Variants in GLYR1 observed in about 807,000 individuals in gnomAD.
The protein encoded by GLYR1 is glyoxylate reductase 1 homolog, also known as cytokine-like nuclear factor N-PAC.
In GLYR1, 21 loss-of-function variants were observed where a neutral mutation model predicts 72.7. That is an observed-to-expected ratio of 0.29 (90% CI 0.20 to 0.42). The LOEUF is 0.42. GLYR1 is among the 10% of genes least tolerant of loss of function. The pLI, the probability that GLYR1 is intolerant of heterozygous loss-of-function variation, is 1.00. For missense variants in GLYR1, 594 were observed against 712.1 expected (o/e 0.83, Z 1.89); for synonymous variants, 392 against 270.2 (o/e 1.45, Z -4.42).
chr16:4,822,993 C>T lies in GLYR1; in HGVS notation c.625-62G>A. On this transcript the variant is annotated intron_variant, in intron 6 of 15. Coordinates refer to ENST00000321919, the MANE Select transcript of GLYR1 (RefSeq NM_032569.4). ...TGCCACCAAAGGTCACTTCCTTCTC[C>T]CTGGTAACTGGACTCTCCTCTGGCT... The T allele has an allele frequency of 8.1e-6, 11 of 1,361,788 alleles. 1 individual carries two copies. In the South Asian group the frequency reaches 1.3e-4, roughly 16 times the overall value. The allele number at this position is 1,361,788 out of a possible 1,614,324, so 84.4% of individuals were successfully genotyped here.
rs1005460049 is a variant in GLYR1, at chr16:4,803,766, A to G, written c.*1470T>C. ...AAGGGGCCAAAGCTGTGAGGGGGGA[A>G]GGACCCCGCCCTAGTGTGGCCACCC... On this transcript the variant is annotated 3_prime_UTR_variant, in exon 16 of 16. Transcript: ENST00000321919. 6.6e-6 allele frequency: 1 copy of G among 152,208 alleles called. No individual in the cohort carries two copies. The highest frequency in any genetic ancestry group is 1.5e-5 in the Non-Finnish European group (1 of 68,032). 9.4% of individuals were successfully genotyped at this position (152,208 alleles called of 1,614,324 possible).
rs777545545 is a variant in GLYR1 at position 4,812,078 on chromosome 16, C to T, written c.1282+8G>A. ...AGGCTCCAGGCCTGACAGGTGCAGG[C>T]GTGTTACCTAGGAAGAAGGAGGTCT... On this transcript the variant is annotated splice_region_variant and intron_variant, in intron 13 of 15. Coordinates refer to ENST00000321919, the MANE Select transcript of GLYR1 (RefSeq NM_032569.4). 1.7e-5 allele frequency: 28 copies of T among 1,611,544 alleles called. No individual in the cohort carries two copies. The highest frequency in any genetic ancestry group is 4.5e-5 in the East Asian group (2 of 44,900).
intron 15 of GLYR1, among the ~76,000 whole-genome samples, chr16:4,806,457 A>G (rs2082980989): frequency 6.6e-6 from 1 of 151,504 alleles, no homozygotes; most frequent in Non-Finnish European, 1.5e-5. Context: ...CCTGGGCTCA[A>G]GCAATCCTCC....
At position 4,815,539 on chromosome 16, in the gene GLYR1, A is replaced by T. The variant is rs1436026376; in HGVS notation, c.907-892T>A. 2.0e-5 allele frequency among the ~76,000 whole-genome samples: 3 copies of T among 151,984 alleles called. No homozygotes were observed. The East Asian group carries it at 5.8e-4, about 29-fold the overall frequency. ...CATCACCAAACATCTTTACGTACAA[A>T]ACTTCTCTATGTTTTAAATTCAGGT... On this transcript the variant is annotated intron_variant, in intron 10 of 15. Transcript: ENST00000321919.
At chr16:4,844,102 AAACTC>A (rs2085764087) in intron 3 of GLYR1, among the ~76,000 whole-genome samples, 1 of 147,626 alleles carries the variant, frequency 6.8e-6, no homozygotes, top group South Asian at 2.2e-4. Flanking sequence ...TGACAGAGTG[AAACTC>A]CATCTCAAAA....
chr16:4,806,012 T>G (rs912042949), intron 15 of GLYR1, among the ~76,000 whole-genome samples: 2 of 151,926 alleles, frequency 1.3e-5, no homozygotes, highest in African/African-American at 4.8e-5. Flanking sequence ...CTGTCTCAAA[T>G]AAATAAATAA....
At chr16:4,825,060 G>C (rs1341853447) in intron 5 of GLYR1, among the ~76,000 whole-genome samples, 2 of 152,078 alleles carry the variant, frequency 1.3e-5, no homozygotes, top group Non-Finnish European at 2.9e-5. Context: ...CTAAGCTCAG[G>C]CCACCTGGAC....
chr16:4,846,056 G>C (rs2086018248), intron 2 of GLYR1, 118 bp downstream of exon 2: 1 of 1,077,366 alleles, frequency 9.3e-7, no homozygotes, highest in African/African-American at 1.6e-5. Flanking sequence ...AAAATTCTAA[G>C]TGCCATCTGA....
intron 13 of GLYR1, 32 bp from the exon 14 acceptor site, chr16:4,811,834 C>T: frequency 6.3e-7 from 1 of 1,594,812 alleles, no homozygotes; most frequent in Non-Finnish European, 8.6e-7. Flanking sequence ...GGTCACAGCC[C>T]AAGAATGCCA....
In GLYR1 at chr16:4,803,423, A is replaced by T. The variant is rs760006593; in HGVS notation, c.*1813T>A. On this transcript the variant is annotated 3_prime_UTR_variant, in exon 16 of 16. Coordinates refer to ENST00000321919, the MANE Select transcript of GLYR1 (RefSeq NM_032569.4). ...GAGGGGCTTTCTTACAAGCTTTTTC[A>T]CAAGTGTCACATTTTCTCCTTAAAA... 1.6e-4 allele frequency: 25 copies of T among 152,814 alleles called. No individual in the cohort carries two copies. Among genetic ancestry groups the T allele is most frequent in the Admixed American group, 2.6e-4 (4 of 15,310 alleles). The allele number at this position is 152,814 out of a possible 1,614,324, so 9.5% of individuals were successfully genotyped here.
At chr16:4,834,242 T>C (rs145811719) in intron 3 of GLYR1, among the ~76,000 whole-genome samples, 4 of 150,932 alleles carry the variant, frequency 2.7e-5, no homozygotes, top group Non-Finnish European at 5.9e-5. Flanking sequence ...TGAATGGAGA[T>C]ACAGAAGCTG....
intron 9 of GLYR1, among the ~76,000 whole-genome samples, chr16:4,819,812 C>T (rs2083898706): frequency 6.6e-6 from 1 of 152,148 alleles, no homozygotes. Context: ...GAAAATGGAA[C>T]CCACCAACTT....
chr16:4,845,244 A>G (rs1280464409), intron 2 of GLYR1, 91 bp from the exon 3 acceptor site: 7 of 813,522 alleles, frequency 8.6e-6, no homozygotes, highest in Non-Finnish European at 1.5e-5. Flanking sequence ...CTACGTTGCT[A>G]AGAAAAAAGT....
At chr16:4,842,034 G>A (rs2085591755) in intron 3 of GLYR1, among the ~76,000 whole-genome samples, 1 of 152,054 alleles carries the variant, frequency 6.6e-6, no homozygotes, top group South Asian at 2.1e-4. Context: ...GAGGTCAGGA[G>A]ATCAAGACCA....
At chr16:4,838,715 T>C (rs1208019219) in intron 3 of GLYR1, among the ~76,000 whole-genome samples, 9 of 151,804 alleles carry the variant, frequency 5.9e-5, no homozygotes, top group Admixed American at 5.9e-4. Context: ...GCCACCCGAG[T>C]AGCTGGGACT....
intron 3 of GLYR1, among the ~76,000 whole-genome samples, chr16:4,837,192 T>G (rs185868768): frequency 6.6e-6 from 1 of 152,166 alleles, no homozygotes; most frequent in African/African-American, 2.4e-5. Flanking sequence ...TCCCAGCACC[T>G]TGGGAGACCG....
Position 4,821,667 on chromosome 16 carries a change from C to T in GLYR1, c.682-70G>A. ...TAACCAGTCTTCATAATAATCCCCT[C>T]AAAGGTTAGACCCAAAGTGGGAAGT... On this transcript the variant is annotated intron_variant, in intron 7 of 15. Coordinates refer to ENST00000321919, the MANE Select transcript of GLYR1 (RefSeq NM_032569.4). 4 of 1,437,816 alleles carry T rather than the reference C, an allele frequency of 2.8e-6. No individual in the cohort carries two copies. The Admixed American group carries it at 6.7e-5, about 24-fold the overall frequency. 89.1% of individuals were successfully genotyped at this position (1,437,816 alleles called of 1,614,324 possible).
chr16:4,811,404 T>A (rs965558050), intron 14 of GLYR1, 110 bp from the exon 15 acceptor site: 1 of 1,464,172 alleles, frequency 6.8e-7, no homozygotes, highest in Non-Finnish European at 9.3e-7. Context: ...CAGTTCCACA[T>A]AGCCTAGGCC....
Position 4,821,409 on chromosome 16 carries a change from C to G in GLYR1, c.777G>C (p.Val259=). The part of the protein sequence containing the change: ...TSIQAADSTA[V]NGSITPTDKK... ...TGTCTGTGGGTGTGATGCTGCCATT[C>G]ACGGCTGTGCTGTCAGCTGCCTGGA... The change falls in exon 9 of 16, where the codon GTG becomes GTC. Residue 259 remains valine (V), a synonymous_variant. Coordinates refer to ENST00000321919, the MANE Select transcript of GLYR1 (RefSeq NM_032569.4). 6.2e-7 allele frequency: 1 copy of G among 1,613,520 alleles called. No individual in the cohort carries two copies. The highest frequency in any genetic ancestry group is 8.5e-7 in the Non-Finnish European group (1 of 1,180,044).
Sources: allele counts gnomAD v4.1 joint callset (sites outside exome capture counted in the v4.1 genomes callset), GRCh38; gene constraint gnomAD v4.1.1; transcripts MANE v1.5; gene names NCBI Gene and HGNC (gene_info 2026-07-23, HGNC 2026-07-21).